Variants in VWA3B observed in about 807,000 individuals in gnomAD.
VWA3B encodes the protein von Willebrand factor A domain-containing protein 3B.
In VWA3B, 138 loss-of-function variants were observed where a neutral mutation model predicts 158.3. That is an observed-to-expected ratio of 0.87 (90% CI 0.76 to 1.00). VWA3B has a LOEUF of 1.00. Ranked by LOEUF, VWA3B falls within the 50% of genes least tolerant of loss-of-function variation. The probability of loss-of-function intolerance (pLI) is 0.00; values close to 1 mark genes in which losing one functional copy is unlikely to be tolerated. For missense variants in VWA3B, 1,555 were observed against 1,565.1 expected (o/e 0.99, Z 0.11); for synonymous variants, 596 against 587.3 (o/e 1.01, Z -0.21).
intron 9 of VWA3B, among the ~76,000 whole-genome samples, chr2:98,181,468 T>G (rs1194580255): frequency 6.6e-6 from 1 of 152,192 alleles, no homozygotes; most frequent in Non-Finnish European, 1.5e-5. Flanking sequence ...TTTGGAGAAA[T>G]CAGGCATTAT....
intron 8 of VWA3B, among the ~76,000 whole-genome samples, chr2:98,167,003 C>T (rs574501708): frequency 1.3e-5 from 2 of 152,246 alleles, no homozygotes; most frequent in South Asian, 2.1e-4. Context: ...TCATTCCCAC[C>T]GCAGCCCAGA....
intron 26 of VWA3B, among the ~76,000 whole-genome samples, chr2:98,306,465 T>C (rs1319887622): frequency 6.6e-6 from 1 of 152,052 alleles, no homozygotes; most frequent in Non-Finnish European, 1.5e-5. Context: ...TCCTTAGCTA[T>C]GATTATCAAA....
chr2:98,189,825 G>A (rs544007121), intron 10 of VWA3B, among the ~76,000 whole-genome samples: 2 of 152,130 alleles, frequency 1.3e-5, no homozygotes, highest in African/African-American at 4.8e-5. Context: ...CCTTTTATAT[G>A]TCTGGTAATA....
chr2:98,098,856 T>C (rs1437251631), intron 2 of VWA3B, among the ~76,000 whole-genome samples: 1 of 152,138 alleles, frequency 6.6e-6, no homozygotes, highest in Non-Finnish European at 1.5e-5. Context: ...TGCTTTTTAT[T>C]TTTAGTGTAT....
At chr2:98,273,987 C>A (rs1456994877) in intron 22 of VWA3B, among the ~76,000 whole-genome samples, 1 of 152,112 alleles carries the variant, frequency 6.6e-6, no homozygotes, top group Non-Finnish European at 1.5e-5. Context: ...ATTAATTGTT[C>A]TATTTCTTTC....
rs372317864 is a variant in VWA3B, at chr2:98,133,817, G to A, written c.873-7G>A. 47 of 1,613,506 alleles carry A rather than the reference G, an allele frequency of 2.9e-5. No homozygotes were observed. Among genetic ancestry groups the A allele is most frequent in the African/African-American group, 5.3e-5 (4 of 74,874 alleles). ...GCCTTCCTAATGAGCATCTCTTCACGTTTCAGATTCCACGCATTTGCCGAG... is the reference window on the plus strand; with the variant it reads ...GCCTTCCTAATGAGCATCTCTTCACATTTCAGATTCCACGCATTTGCCGAG... On this transcript the variant is annotated splice_region_variant and splice_polypyrimidine_tract_variant and intron_variant, in intron 6 of 27. Coordinates refer to ENST00000477737, the MANE Select transcript of VWA3B (RefSeq NM_144992.5).
chr2:98,298,681 TGCACAAATAA>T (rs1370601362), intron 24 of VWA3B, among the ~76,000 whole-genome samples: 1 of 152,174 alleles, frequency 6.6e-6, no homozygotes, highest in Non-Finnish European at 1.5e-5. Context: ...TTGAACAATA[TGCACAAATAA>T]AGTAACAAAG....
chr2:98,294,394 C>T (rs145212678), intron 23 of VWA3B, among the ~76,000 whole-genome samples: 17 of 152,296 alleles, frequency 1.1e-4, no homozygotes, highest in African/African-American at 3.9e-4. Flanking sequence ...TTGAGGCGTC[C>T]ACTACATGAG....
intron 14 of VWA3B, among the ~76,000 whole-genome samples, chr2:98,225,585 G>C (rs1019142895): frequency 1.3e-5 from 2 of 151,896 alleles, no homozygotes; most frequent in Non-Finnish European, 2.9e-5. Context: ...ACTACTGGAA[G>C]TTCTAACCAT....
chr2:98,105,093 C>T (rs2104873433), intron 2 of VWA3B, among the ~76,000 whole-genome samples: 1 of 152,264 alleles, frequency 6.6e-6, no homozygotes, highest in Non-Finnish European at 1.5e-5. Flanking sequence ...AATATTCTTC[C>T]TTCTTGTAGG....
At chr2:98,187,395 A>T (rs1032740384) in intron 9 of VWA3B, among the ~76,000 whole-genome samples, 3 of 151,376 alleles carry the variant, frequency 2.0e-5, no homozygotes, top group Non-Finnish European at 4.4e-5. Context: ...CAAGTCATGG[A>T]GGTCCACTGA....
chr2:98,253,593 G>T (rs569256938), intron 20 of VWA3B, among the ~76,000 whole-genome samples: 2 of 152,220 alleles, frequency 1.3e-5, no homozygotes, highest in African/African-American at 4.8e-5. Flanking sequence ...AGCAGTATCC[G>T]TTCTAGCCTG....
chr2:98,140,404 C>T (rs887213515), intron 7 of VWA3B, among the ~76,000 whole-genome samples: 17 of 152,300 alleles, frequency 1.1e-4, no homozygotes, highest in Middle Eastern at 3.4e-3. Context: ...TGCTGCTGAC[C>T]GGAAGCTGCC....
intron 12 of VWA3B, among the ~76,000 whole-genome samples, chr2:98,208,246 C>T (rs143814209): frequency 8.5e-4 from 130 of 152,112 alleles, no homozygotes; most frequent in East Asian, 5.4e-3. Context: ...AACCTATCTA[C>T]GTTGTTATGC....
intron 9 of VWA3B, among the ~76,000 whole-genome samples, chr2:98,181,548 G>C (rs1309873636): frequency 6.6e-6 from 1 of 152,236 alleles, no homozygotes; most frequent in East Asian, 1.9e-4. Flanking sequence ...ATGGAAAAGA[G>C]AAATTGCTGG....
chr2:98,186,802 A>T (rs1049665652), intron 9 of VWA3B, among the ~76,000 whole-genome samples: 3 of 151,924 alleles, frequency 2.0e-5, no homozygotes, highest in Non-Finnish European at 4.4e-5. Flanking sequence ...AACCACTGTA[A>T]AGCTGTGAAA....
chr2:98,324,488 A>G, the VWA3B span, among the ~76,000 whole-genome samples: 1 of 152,204 alleles, frequency 6.6e-6, no homozygotes, highest in Admixed American at 6.5e-5. Context: ...ATATATGCAC[A>G]GACAGATTGC....
chr2:98,226,318 C>T (rs538216552), intron 14 of VWA3B, among the ~76,000 whole-genome samples: 6 of 152,258 alleles, frequency 3.9e-5, no homozygotes, highest in South Asian at 2.1e-4. Flanking sequence ...AGCAATCCAG[C>T]GGAGGAAGGA....
chr2:98,207,644 A>G (rs1683132362), intron 12 of VWA3B: 5 of 464,584 alleles, frequency 1.1e-5, no homozygotes, highest in Non-Finnish European at 2.1e-5. Context: ...GGTGAACATG[A>G]CCATCTCTCA....
Sources: allele counts gnomAD v4.1 joint callset (sites outside exome capture counted in the v4.1 genomes callset), GRCh38; gene constraint gnomAD v4.1.1; transcripts MANE v1.5; gene names NCBI Gene and HGNC (gene_info 2026-07-23, HGNC 2026-07-21).